The following KLHL32 variants were observed in gnomAD, a reference collection of about 807,000 sequenced individuals.
The protein encoded by KLHL32 is kelch like family member 32.
KLHL32 carries 35 observed loss-of-function variants against 64.8 expected under a neutral mutation model. That is an observed-to-expected ratio of 0.54 (90% confidence interval 0.41 to 0.72). KLHL32 has a LOEUF of 0.72. KLHL32 is among the 30% of genes least tolerant of loss of function. The pLI is 0.00. For missense variants in KLHL32, 589 were observed against 768.5 expected, an observed-to-expected ratio of 0.77 and a Z score of 2.76; for synonymous variants, 259 against 281.0, an observed-to-expected ratio of 0.92 and a Z score of 0.78.
In KLHL32 at chr6:97,081,740, T is replaced by A. The variant is rs181215579; in HGVS notation, c.412-3386T>A. Reference sequence around the variant, plus strand: ...TTTGTAGCTTTTACCTCAGTTATAGTTTTCCATGTAATTGTAAGGTTTTTT... The same window carrying A: ...TTTGTAGCTTTTACCTCAGTTATAGATTTCCATGTAATTGTAAGGTTTTTT... On this transcript the variant is annotated intron_variant, in intron 5 of 10. Coordinates refer to ENST00000369261, the MANE Select transcript of KLHL32 (RefSeq NM_052904.4). 7.2e-5 allele frequency among the ~76,000 whole-genome samples: 11 copies of A among 152,320 alleles called. No individual in the cohort carries two copies. In the East Asian group the frequency reaches 2.1e-3, roughly 29 times the overall value.
chr6:97,005,360 T>A (rs910414643), intron 3 of KLHL32, among the ~76,000 whole-genome samples: 3 of 152,090 alleles, frequency 2.0e-5, no homozygotes, highest in African/African-American at 7.2e-5. Context: ...TTTTTTTAGA[T>A]CTTCTCTCTT....
chr6:97,091,014 A>G (rs1794140860), intron 6 of KLHL32, among the ~76,000 whole-genome samples: 1 of 152,224 alleles, frequency 6.6e-6, no homozygotes, highest in Non-Finnish European at 1.5e-5. Context: ...GCTTGAGCCC[A>G]GAAGTTTGAG....
At chr6:97,056,101 T>C (rs1436311737) in intron 4 of KLHL32, among the ~76,000 whole-genome samples, 3 of 109,940 alleles carry the variant, frequency 2.7e-5, no homozygotes, top group East Asian at 2.3e-4. Context: ...TTTTTCTTTT[T>C]TTTTCTTTTT....
intron 9 of KLHL32, among the ~76,000 whole-genome samples, chr6:97,131,383 G>GT (rs1186688832): frequency 1.3e-5 from 2 of 152,144 alleles, no homozygotes; most frequent in African/African-American, 4.8e-5. Flanking sequence ...TCACTGTCAA[G>GT]TATTGTTTCT....
At chr6:96,943,938 G>A (rs1224800573) in intron 1 of KLHL32, among the ~76,000 whole-genome samples, 1 of 152,124 alleles carries the variant, frequency 6.6e-6, no homozygotes, top group Non-Finnish European at 1.5e-5. Flanking sequence ...CTCATGTTCA[G>A]AAAATATTTT....
chr6:97,070,615 G>A (rs1235430749), intron 5 of KLHL32, among the ~76,000 whole-genome samples: 1 of 152,150 alleles, frequency 6.6e-6, no homozygotes, highest in Non-Finnish European at 1.5e-5. Context: ...CTTCGTTTGT[G>A]AGGATTTTAA....
At chr6:97,077,913 G>T (rs1413988351) in intron 5 of KLHL32, among the ~76,000 whole-genome samples, 1 of 152,086 alleles carries the variant, frequency 6.6e-6, no homozygotes, top group South Asian at 2.1e-4. Context: ...AGTTTACTAG[G>T]TACATTTTTA....
intron 3 of KLHL32, among the ~76,000 whole-genome samples, chr6:96,997,093 T>C (rs1362914533): frequency 6.6e-6 from 1 of 152,072 alleles, no homozygotes; most frequent in Non-Finnish European, 1.5e-5. Context: ...ATGTTCATGC[T>C]GACCAAAGGC....
intron 4 of KLHL32, among the ~76,000 whole-genome samples, chr6:97,055,599 A>T (rs1787664413): frequency 6.6e-6 from 1 of 152,070 alleles, no homozygotes; most frequent in Non-Finnish European, 1.5e-5. Context: ...GGAATTCAAG[A>T]CCATCCTGGC....
In KLHL32 at chr6:97,007,172, G is replaced by A. The variant is rs186094920; in HGVS notation, c.204+30995G>A. 6.1e-4 allele frequency among the ~76,000 whole-genome samples: 93 copies of A among 151,938 alleles called. 1 individual carries two copies. The highest frequency in any genetic ancestry group is 3.4e-3 in the Middle Eastern group (1 of 294). Reference sequence around the variant, plus strand: ...CTCTTTACATTATCCCATATTTCTTGGAGGTTTTGCTCATTCTTTTTTACT... The same window carrying A: ...CTCTTTACATTATCCCATATTTCTTAGAGGTTTTGCTCATTCTTTTTTACT... On this transcript the variant is annotated intron_variant, in intron 3 of 10. Transcript: ENST00000369261.
chr6:96,974,093 A>G (rs889801563), intron 2 of KLHL32, among the ~76,000 whole-genome samples: 1 of 152,100 alleles, frequency 6.6e-6, no homozygotes, highest in African/African-American at 2.4e-5. Flanking sequence ...GGTTCTCAAA[A>G]TACCGGATCT....
chr6:97,138,932 T>TAACA (rs1255045499), intron 10 of KLHL32, among the ~76,000 whole-genome samples, 189 bp from the exon 11 acceptor site: 1 of 152,200 alleles, frequency 6.6e-6, no homozygotes, highest in Admixed American at 6.5e-5. Flanking sequence ...AAAAACATAC[T>TAACA]AACATAGTGT....
chr6:96,923,834 G>A (rs1768847264), upstream of KLHL32, among the ~76,000 whole-genome samples: 1 of 152,214 alleles, frequency 6.6e-6, no homozygotes, highest in African/African-American at 2.4e-5. Context: ...TTGGACTAAG[G>A]TTTTCAATTC....
At chr6:96,901,996 G>T in the KLHL32 span, among the ~76,000 whole-genome samples, 1 of 152,172 alleles carries the variant, frequency 6.6e-6, no homozygotes, top group Non-Finnish European at 1.5e-5. Flanking sequence ...GGACAGTTAG[G>T]TTGATTCCAT....
rs573570266 is a variant in KLHL32, at chr6:96,963,499, G to A, written c.-65-3497G>A. Among the ~76,000 whole-genome samples, 4 of 152,166 alleles carry A rather than the reference G, an allele frequency of 2.6e-5. 1 individual carries two copies. The highest frequency in any genetic ancestry group is 9.7e-5 in the African/African-American group (4 of 41,430). ...AGGAAAACGGTACCCTGTGTTTAGA[G>A]CTACTCCTGCATCTGCTGGTTCTCA... is the stretch of plus-strand genomic sequence containing the variant. On this transcript the variant is annotated intron_variant, in intron 1 of 10. Transcript: ENST00000369261.
At chr6:96,997,952 T>C (rs1778597120) in intron 3 of KLHL32, among the ~76,000 whole-genome samples, 1 of 152,236 alleles carries the variant, frequency 6.6e-6, no homozygotes, top group Non-Finnish European at 1.5e-5. Context: ...CTTTGTAGAC[T>C]CTTCATTACC....
In KLHL32 at chr6:97,006,388, G is replaced by C. The variant is rs539362715; in HGVS notation, c.204+30211G>C. Among the ~76,000 whole-genome samples, 6 of 152,140 alleles carry C rather than the reference G, an allele frequency of 3.9e-5. No homozygotes were observed. In the East Asian group the frequency reaches 9.7e-4, roughly 24 times the overall value. The stretch of plus-strand genomic sequence containing the variant: ...AGATTTTTCTCCATTTCTTTACTTT[G>C]AGCCTATCGGGGTTATTGCATGTGA... On this transcript the variant is annotated intron_variant, in intron 3 of 10. Transcript: ENST00000369261.
intron 6 of KLHL32, among the ~76,000 whole-genome samples, chr6:97,093,489 T>C (rs1036252932): frequency 1.3e-5 from 2 of 152,194 alleles, no homozygotes; most frequent in African/African-American, 4.8e-5. Flanking sequence ...ACACCAACTC[T>C]TTAAGAAAAC....
At chr6:97,096,406 A>G (rs1794997092) in intron 6 of KLHL32, among the ~76,000 whole-genome samples, 1 of 152,226 alleles carries the variant, frequency 6.6e-6, no homozygotes, top group Admixed American at 6.5e-5. Context: ...TGGTCTCAGC[A>G]TTAAAGAAAA....
Sources: gnomAD v4.1 joint callset for allele counts (sites outside exome capture counted in the v4.1 genomes callset) on GRCh38, gnomAD v4.1.1 for gene constraint, MANE v1.5 for transcripts, NCBI Gene and HGNC (gene_info 2026-07-23, HGNC 2026-07-21) for gene names.